The following CHODL variants were observed in gnomAD, a reference collection of about 807,000 sequenced individuals.
CHODL encodes chondrolectin.
CHODL carries 29 observed loss-of-function variants against 34.5 expected under a neutral mutation model. That is an observed-to-expected ratio of 0.84 (90% confidence interval 0.63 to 1.15). CHODL has a LOEUF of 1.15. Among genes scored for constraint, CHODL ranks in the 50% most tolerant of loss-of-function variants. CHODL has a pLI of 0.00. For synonymous variants in CHODL, 125 were observed against 116.1 expected (o/e 1.08, Z -0.49); for missense variants, 332 against 332.5 (o/e 1.00, Z 0.01).
chr21:18,160,366 G>T (rs986715706), intron 2 of CHODL, among the ~76,000 whole-genome samples: 15 of 151,930 alleles, frequency 9.9e-5, no homozygotes, highest in African/African-American at 2.9e-4. Context: ...AAGTTCAGGG[G>T]TACAAGTGCA....
At chr21:18,212,123 A>G (rs560145900) in intron 2 of CHODL, among the ~76,000 whole-genome samples, 1 of 152,298 alleles carries the variant, frequency 6.6e-6, no homozygotes, top group African/African-American at 2.4e-5. Flanking sequence ...TGCTATGGTT[A>G]TAACTGTCAG....
chr21:18,029,784 C>A (rs781168875), intron 2 of CHODL, among the ~76,000 whole-genome samples: 3 of 152,080 alleles, frequency 2.0e-5, no homozygotes, highest in Non-Finnish European at 4.4e-5. Context: ...GCCCAGGACA[C>A]TGAATCTTAT....
intron 2 of CHODL, among the ~76,000 whole-genome samples, chr21:18,147,220 G>A (rs1453380953): frequency 1.3e-5 from 2 of 152,178 alleles, no homozygotes; most frequent in Non-Finnish European, 2.9e-5. Context: ...TAATGTTCTG[G>A]TTTGGTTATG....
chr21:18,126,879 T>C (rs981564289), intron 2 of CHODL, among the ~76,000 whole-genome samples: 1 of 152,136 alleles, frequency 6.6e-6, no homozygotes, highest in Non-Finnish European at 1.5e-5. Flanking sequence ...GAAATGACAA[T>C]AGATTAAGGA....
intron 1 of CHODL, among the ~76,000 whole-genome samples, chr21:17,969,565 T>G (rs137873752): frequency 9.2e-5 from 14 of 152,354 alleles, no homozygotes; most frequent in Admixed American, 4.6e-4. Flanking sequence ...GAGAAAGTCA[T>G]ATTTTTCTGT....
At chr21:17,919,192 C>T (rs936885973) in intron 1 of CHODL, among the ~76,000 whole-genome samples, 2 of 152,244 alleles carry the variant, frequency 1.3e-5, no homozygotes, top group African/African-American at 4.8e-5. Context: ...TGGCCCTCTT[C>T]TCACAGCTGC....
intron 1 of CHODL, among the ~76,000 whole-genome samples, chr21:17,996,426 T>G (rs2063849958): frequency 6.6e-6 from 1 of 152,216 alleles, no homozygotes; most frequent in Non-Finnish European, 1.5e-5. Context: ...GAACTGTGTC[T>G]GATTATCTTG....
chr21:18,107,970 G>T (rs148380661), intron 2 of CHODL, among the ~76,000 whole-genome samples: 3 of 152,138 alleles, frequency 2.0e-5, no homozygotes, highest in African/African-American at 4.8e-5. Context: ...GGTTATGTTC[G>T]TACCATCTAC....
chr21:18,045,024 A>G lies in CHODL; in HGVS notation c.-45+17053A>G, dbSNP rs145857078. ...TACATAAAAAGGGCAAACTTCCCAGATTTAGATGAATCGGTGATAAGAAAA... is the reference window on the plus strand; with the variant it reads ...TACATAAAAAGGGCAAACTTCCCAGGTTTAGATGAATCGGTGATAAGAAAA... On this transcript the variant is annotated intron_variant, in intron 2 of 6. Coordinates refer to the CHODL transcript ENST00000400127. Among the ~76,000 whole-genome samples, 486 of 152,076 alleles carry G rather than the reference A, an allele frequency of 3.2e-3. 2 individuals carry two copies. Among genetic ancestry groups the G allele is most frequent in the Non-Finnish European group, 5.5e-3 (372 of 67,910 alleles).
intron 1 of CHODL, among the ~76,000 whole-genome samples, chr21:17,924,778 TAA>T (rs1473688279): frequency 2.6e-5 from 4 of 152,114 alleles, no homozygotes; most frequent in South Asian, 2.1e-4. Flanking sequence ...TCTACAGAAA[TAA>T]GTTTTTCTTT....
chr21:18,218,266 C>A (rs1204074370), intron 2 of CHODL, among the ~76,000 whole-genome samples: 1 of 152,236 alleles, frequency 6.6e-6, no homozygotes, highest in Non-Finnish European at 1.5e-5. Context: ...CCTCTGAAAT[C>A]TAGGCAGAAG....
At chr21:18,175,846 A>T (rs1035348972) in intron 2 of CHODL, among the ~76,000 whole-genome samples, 19 of 123,914 alleles carry the variant, frequency 1.5e-4, no homozygotes, top group African/African-American at 4.8e-4. Context: ...AAAGGATTCT[A>T]GACATGTGAA....
rs1040627192 is a variant in CHODL, at chr21:18,115,949, G to T, written c.-45+87978G>T. Among the ~76,000 whole-genome samples the T allele has an allele frequency of 2.0e-5, 3 of 151,804 alleles. No individual in the cohort carries two copies. The East Asian group carries it at 5.8e-4, about 29-fold the overall frequency. The stretch of plus-strand genomic sequence containing the variant: ...CCAGTGGACACGTTCAGTGGCATTG[G>T]ATTTTTTTTTTTAATTACTGCCTTT... On this transcript the variant is annotated intron_variant, in intron 2 of 6. Transcript: ENST00000400127.
intron 2 of CHODL, among the ~76,000 whole-genome samples, chr21:18,133,586 G>T (rs1217165185): frequency 6.6e-6 from 1 of 152,058 alleles, no homozygotes; most frequent in East Asian, 1.9e-4. Context: ...TTCCCTTGTG[G>T]CAGAAAGCAA....
At chr21:17,953,877 G>C (rs367663811) in intron 1 of CHODL, among the ~76,000 whole-genome samples, 1 of 151,956 alleles carries the variant, frequency 6.6e-6, no homozygotes, top group African/African-American at 2.4e-5. Context: ...GGGTGTGGTG[G>C]TGCGTGCCTG....
chr21:18,251,419 TTTTA>T lies in CHODL; in HGVS notation c.80-5078_80-5075del, dbSNP rs1157013460. ...ATATATAAAATATGTATTTTATTTATTTTATTTATTTATTTTAATATATAAAAAT... is the reference window on the plus strand; with the variant it reads ...ATATATAAAATATGTATTTTATTTATTTTATTTATTTTAATATATAAAAAT... On this transcript the variant is annotated intron_variant, in intron 1 of 5. Coordinates refer to ENST00000299295, the MANE Select transcript of CHODL (RefSeq NM_024944.3). Among the ~76,000 whole-genome samples the T allele has an allele frequency of 4.3e-4, 21 of 48,572 alleles. 2 individuals carry two copies. The highest frequency in any genetic ancestry group is 1.2e-3 in the Admixed American group (5 of 4,166). 31.9% of individuals were successfully genotyped at this position (48,572 alleles called of 152,430 possible).
chr21:17,982,788 A>C (rs1055427511), intron 1 of CHODL, among the ~76,000 whole-genome samples: 1 of 139,904 alleles, frequency 7.1e-6, no homozygotes, highest in African/African-American at 2.7e-5. Context: ...GCTCACTGCA[A>C]CCTCCGCCTC....
chr21:17,928,913 G>A (rs892386783), intron 1 of CHODL, among the ~76,000 whole-genome samples: 2 of 152,136 alleles, frequency 1.3e-5, no homozygotes, highest in African/African-American at 4.8e-5. Flanking sequence ...TTTATTCTAG[G>A]ATAGTATTAG....
chr21:18,222,233 A>G (rs1164288419), intron 2 of CHODL, among the ~76,000 whole-genome samples: 1 of 152,028 alleles, frequency 6.6e-6, no homozygotes, highest in Non-Finnish European at 1.5e-5. Flanking sequence ...GACTGTCTCT[A>G]TCCTGGGTTA....
Sources: gnomAD v4.1 joint callset for allele counts (sites outside exome capture counted in the v4.1 genomes callset) on GRCh38, gnomAD v4.1.1 for gene constraint, MANE v1.5 for transcripts, NCBI Gene and HGNC (gene_info 2026-07-23, HGNC 2026-07-21) for gene names.